Variants in DIP2C observed in about 807,000 individuals in gnomAD.
DIP2C encodes disco-interacting protein 2 homolog C.
In DIP2C, 33 loss-of-function variants were observed where a neutral mutation model predicts 192.4. That is an observed-to-expected ratio of 0.17 (90% CI 0.13 to 0.23). The LOEUF is 0.23. DIP2C is among the 10% of genes least tolerant of loss of function. The pLI, the probability that DIP2C is intolerant of heterozygous loss-of-function variation, is 1.00. For missense variants in DIP2C, 1,537 were observed against 2,110.1 expected (o/e 0.73, Z 5.32); for synonymous variants, 979 against 864.1 (o/e 1.13, Z -2.33).
At chr10:509,844 G>GT (rs1434887894) in intron 1 of DIP2C, among the ~76,000 whole-genome samples, 2 of 152,136 alleles carry the variant, frequency 1.3e-5, no homozygotes, top group Non-Finnish European at 2.9e-5. Flanking sequence ...GGCCGCCGCA[G>GT]TCTCCTCCCA....
intron 1 of DIP2C, among the ~76,000 whole-genome samples, chr10:510,319 T>C (rs946750202): frequency 1.3e-5 from 2 of 152,250 alleles, no homozygotes; most frequent in Non-Finnish European, 2.9e-5. Context: ...CCAAGACCCC[T>C]GCTCTGTGTC....
chr10:437,281 G>T (rs958357063), intron 4 of DIP2C, among the ~76,000 whole-genome samples: 1 of 148,656 alleles, frequency 6.7e-6, no homozygotes, highest in Non-Finnish European at 1.5e-5. Context: ...CCTGGACATG[G>T]TAGGGTGATA....
At chr10:534,588 CCT>C (rs1389614062) in intron 1 of DIP2C, among the ~76,000 whole-genome samples, 3 of 152,210 alleles carry the variant, frequency 2.0e-5, no homozygotes, top group Non-Finnish European at 4.4e-5. Context: ...GAAACTGAAC[CCT>C]GTTATTCAGG....
intron 9 of DIP2C, among the ~76,000 whole-genome samples, chr10:400,059 T>C (rs918139263): frequency 4.6e-5 from 7 of 152,230 alleles, no homozygotes; most frequent in Non-Finnish European, 8.8e-5. Flanking sequence ...TGATTTTTTT[T>C]CTAAAGAAAC....
chr10:551,556 T>TC (rs1393705012), intron 1 of DIP2C, among the ~76,000 whole-genome samples: 3 of 152,190 alleles, frequency 2.0e-5, no homozygotes, highest in Non-Finnish European at 2.9e-5. Flanking sequence ...ACAAGTGCCT[T>TC]CCCTCCTGCC....
At chr10:562,175 C>T (rs1849255050) in intron 1 of DIP2C, among the ~76,000 whole-genome samples, 1 of 152,192 alleles carries the variant, frequency 6.6e-6, no homozygotes, top group Non-Finnish European at 1.5e-5. Context: ...TTCCCAGTTA[C>T]AGGCAGAGGG....
intron 1 of DIP2C, among the ~76,000 whole-genome samples, chr10:556,061 T>C (rs927462233): frequency 4.9e-4 from 69 of 141,552 alleles, no homozygotes; most frequent in East Asian, 2.2e-3. Context: ...TCTCCCACAA[T>C]CGGATCCCAG....
intron 1 of DIP2C, among the ~76,000 whole-genome samples, chr10:510,678 A>G (rs994264705): frequency 1.3e-5 from 2 of 152,244 alleles, no homozygotes; most frequent in African/African-American, 2.4e-5. Flanking sequence ...TCTAGAAGCA[A>G]AAGAAGCTGA....
intron 1 of DIP2C, among the ~76,000 whole-genome samples, chr10:520,660 C>T (rs955403811): frequency 3.9e-5 from 6 of 152,198 alleles, no homozygotes; most frequent in African/African-American, 1.4e-4. Flanking sequence ...CCCCGCTGCT[C>T]CCAGAGCCTG....
At chr10:684,949 A>G (rs1341757125) in intron 1 of DIP2C, among the ~76,000 whole-genome samples, 1 of 151,710 alleles carries the variant, frequency 6.6e-6, no homozygotes, top group Admixed American at 6.6e-5. Flanking sequence ...CCTGGCCAAC[A>G]TGGTGAAACC....
chr10:288,475 C>T, intron 32 of DIP2C, 54 bp from the exon 33 acceptor site: 4 of 1,591,836 alleles, frequency 2.5e-6, no homozygotes, highest in Non-Finnish European at 3.4e-6. Context: ...CAGTTTTCCC[C>T]TTCACCAATT....
rs190521262 is a variant in DIP2C, at chr10:505,965, G to T, written c.86-19435C>A. Among the ~76,000 whole-genome samples the T allele has an allele frequency of 5.3e-5, 8 of 152,342 alleles. No homozygotes were observed. In the East Asian group the frequency reaches 1.3e-3, roughly 26 times the overall value. On this transcript the variant is annotated intron_variant, in intron 1 of 36. Coordinates refer to ENST00000280886, the MANE Select transcript of DIP2C (RefSeq NM_014974.3). ...ACAATGGGGCAGGTTTTCTCCTGGAGAAGTAAAGAAGCTGAGAAATCCAGG... is the reference window on the plus strand; with the variant it reads ...ACAATGGGGCAGGTTTTCTCCTGGATAAGTAAAGAAGCTGAGAAATCCAGG...
intron 3 of DIP2C, among the ~76,000 whole-genome samples, chr10:449,232 A>G (rs1339361298): frequency 1.3e-5 from 2 of 152,194 alleles, no homozygotes; most frequent in Non-Finnish European, 2.9e-5. Context: ...GTCGATACTC[A>G]GCGGCATCCT....
chr10:337,404 G>A (rs565891054), intron 29 of DIP2C, among the ~76,000 whole-genome samples: 1,732 of 144,260 alleles, frequency 0.012, 35 homozygotes, highest in South Asian at 0.026. Flanking sequence ...GGAGGCCTAC[G>A]TAGCTGTGTG....
chr10:374,768 T>C (rs1961373565), intron 17 of DIP2C, among the ~76,000 whole-genome samples: 1 of 152,164 alleles, frequency 6.6e-6, no homozygotes, highest in Non-Finnish European at 1.5e-5. Context: ...AAATCCCAAG[T>C]AGGTAGATGA....
chr10:362,088 G>A (rs1374138428), intron 22 of DIP2C, among the ~76,000 whole-genome samples: 1 of 151,448 alleles, frequency 6.6e-6, no homozygotes, highest in Non-Finnish European at 1.5e-5. Flanking sequence ...AAATGGAGGA[G>A]GAATATTTAA....
rs1962489557 is a variant in DIP2C at position 382,734 on chromosome 10, A to T, written c.1904T>A (p.Leu635His). 6.2e-7 allele frequency: 1 copy of T among 1,613,562 alleles called. No homozygotes were observed. The highest frequency in any genetic ancestry group is 8.5e-7 in the Non-Finnish European group (1 of 1,179,770). ...AAGGCCTTTACTTTGGAAGACATTG[A>T]GAAATGCATCGCAAGAAGAAATAGA... ...PWSISSCDAF[L>H]NVFQSKGLRQ... Residue 635 changes from leucine to histidine, a missense_variant, in exon 17 of 37, where the codon CTC becomes CAC. Leu to His is a moderately conservative substitution (Grantham distance 99). Transcript: ENST00000280886.
intron 32 of DIP2C, among the ~76,000 whole-genome samples, chr10:298,653 C>A (rs1483333521): frequency 6.6e-6 from 1 of 152,214 alleles, no homozygotes; most frequent in Non-Finnish European, 1.5e-5. Context: ...GGTCTAATGA[C>A]CGTGGGGCTG....
intron 3 of DIP2C, among the ~76,000 whole-genome samples, chr10:465,902 T>C (rs113641013): frequency 0.035 from 5,257 of 152,016 alleles, 136 homozygotes; most frequent in Non-Finnish European, 0.052. Context: ...TACAAACAAA[T>C]GGAAGAACAT....
Sources: allele counts gnomAD v4.1 joint callset (sites outside exome capture counted in the v4.1 genomes callset), GRCh38; gene constraint gnomAD v4.1.1; transcripts MANE v1.5; gene names NCBI Gene and HGNC (gene_info 2026-07-23, HGNC 2026-07-21).